Variants in ZNF536 observed in about 807,000 individuals in gnomAD.
ZNF536 encodes the protein zinc finger protein 536.
A neutral mutation model predicts 84.5 loss-of-function variants in ZNF536; 13 were observed. The observed-to-expected ratio is 0.15, with a 90% CI of 0.10 to 0.24. The LOEUF (loss-of-function observed/expected upper bound fraction) is 0.24. Among genes scored for constraint, ZNF536 ranks in the 10% least tolerant of loss-of-function variants. ZNF536 has a pLI of 1.00. For missense variants in ZNF536, 1,536 were observed against 1,747.5 expected (o/e 0.88, Z 2.16); for synonymous variants, 811 against 742.5 (o/e 1.09, Z -1.50).
At chr19:30,297,421 C>A (rs1242911899) in intron 2 of ZNF536, among the ~76,000 whole-genome samples, 1 of 151,996 alleles carries the variant, frequency 6.6e-6, no homozygotes, top group Non-Finnish European at 1.5e-5. Flanking sequence ...CTTTTTGAAC[C>A]CTTGAAGGTT....
chr19:30,591,579 G>A (rs1185712974), intron 1 of ZNF536, among the ~76,000 whole-genome samples: 1 of 152,162 alleles, frequency 6.6e-6, no homozygotes, highest in Non-Finnish European at 1.5e-5. Flanking sequence ...CTCTTGACAT[G>A]AGGGGATTAT....
intron 1 of ZNF536, among the ~76,000 whole-genome samples, chr19:30,686,178 TC>T (rs1325491805): frequency 6.6e-6 from 1 of 152,216 alleles, no homozygotes; most frequent in African/African-American, 2.4e-5. Flanking sequence ...TCTGTGAAGA[TC>T]ATTTTGGGAG....
intron 2 of ZNF536, among the ~76,000 whole-genome samples, chr19:30,309,948 G>A (rs1329158304): frequency 1.3e-5 from 2 of 152,050 alleles, no homozygotes; most frequent in Non-Finnish European, 2.9e-5. Context: ...AGAAAAGTGG[G>A]TGGGGAGGGG....
chr19:30,430,371 C>T (rs961925887), intron 1 of ZNF536, among the ~76,000 whole-genome samples: 3 of 152,172 alleles, frequency 2.0e-5, no homozygotes, highest in Non-Finnish European at 4.4e-5. Flanking sequence ...CTGTGCCTGG[C>T]TCTGTGTTGG....
At chr19:30,499,108 A>G (rs1162067700) in intron 2 of ZNF536, among the ~76,000 whole-genome samples, 1 of 151,588 alleles carries the variant, frequency 6.6e-6, no homozygotes, top group African/African-American at 2.4e-5. Flanking sequence ...ATAAATTGCT[A>G]CATTATTGCA....
chr19:30,511,822 G>A (rs10405186), intron 2 of ZNF536, among the ~76,000 whole-genome samples: 3,208 of 152,242 alleles, frequency 0.021, 110 homozygotes, highest in African/African-American at 0.073. Context: ...TTAATGACAA[G>A]TTAACTTGTG....
At chr19:30,670,297 G>C (rs1299581059) in intron 1 of ZNF536, among the ~76,000 whole-genome samples, 1 of 152,178 alleles carries the variant, frequency 6.6e-6, no homozygotes, top group Admixed American at 6.5e-5. Flanking sequence ...GGATCAGCAT[G>C]CCTGAGTTCG....
chr19:30,247,261 A>C (rs755111579), intron 1 of ZNF536, among the ~76,000 whole-genome samples: 14 of 152,270 alleles, frequency 9.2e-5, no homozygotes, highest in Non-Finnish European at 1.8e-4. Context: ...CAGAAATCCC[A>C]GGTCCTGGCC....
intron 1 of ZNF536, among the ~76,000 whole-genome samples, chr19:30,637,694 T>C (rs1374345466): frequency 6.6e-6 from 1 of 152,212 alleles, no homozygotes; most frequent in African/African-American, 2.4e-5. Context: ...CAAACCCAAA[T>C]CTTTTTCTAG....
chr19:30,459,168 A>G (rs2053013487), intron 2 of ZNF536, among the ~76,000 whole-genome samples: 1 of 152,100 alleles, frequency 6.6e-6, no homozygotes, highest in African/African-American at 2.4e-5. Context: ...TATACAATAC[A>G]AACACAAACA....
At chr19:30,339,794 GC>G (rs2047505511) in intron 2 of ZNF536, among the ~76,000 whole-genome samples, 1 of 152,214 alleles carries the variant, frequency 6.6e-6, no homozygotes, top group South Asian at 2.1e-4. Context: ...TTCTGAGCAG[GC>G]AGGTGCTGTG....
intron 1 of ZNF536, among the ~76,000 whole-genome samples, chr19:30,605,261 C>T (rs2146970447): frequency 6.6e-6 from 1 of 152,126 alleles, no homozygotes; most frequent in East Asian, 1.9e-4. Context: ...GTGGTGATTT[C>T]TGAGATTCTA....
intron 1 of ZNF536, among the ~76,000 whole-genome samples, chr19:30,264,361 T>C (rs2025384606): frequency 7.0e-6 from 1 of 143,052 alleles, no homozygotes; most frequent in African/African-American, 2.6e-5. Context: ...CCTCCCCTGA[T>C]CCCCCCAGGC....
chr19:30,491,083 A>G (rs1038797924), intron 2 of ZNF536, among the ~76,000 whole-genome samples: 1 of 152,176 alleles, frequency 6.6e-6, no homozygotes, highest in Non-Finnish European at 1.5e-5. Flanking sequence ...GGCCTGTCCA[A>G]GGACCTTGGT....
intron 2 of ZNF536, among the ~76,000 whole-genome samples, chr19:30,456,293 G>A: frequency 6.6e-6 from 1 of 150,388 alleles, no homozygotes; most frequent in Non-Finnish European, 1.5e-5. Flanking sequence ...CGTGAACACG[G>A]GACTTGTTTC....
intron 2 of ZNF536, among the ~76,000 whole-genome samples, chr19:30,490,502 T>C (rs2054466145): frequency 6.6e-6 from 1 of 152,198 alleles, no homozygotes; most frequent in Admixed American, 6.5e-5. Flanking sequence ...ATACAGAATG[T>C]GAACCACTGA....
chr19:30,555,115 C>G (rs1157227778), intron 4 of ZNF536: 1 of 152,284 alleles, frequency 6.6e-6, no homozygotes. Context: ...GCTGCCCCCT[C>G]ATAGCCAGCA....
At chr19:30,304,577 C>T (rs902452836) in intron 2 of ZNF536, among the ~76,000 whole-genome samples, 1 of 152,182 alleles carries the variant, frequency 6.6e-6, no homozygotes, top group African/African-American at 2.4e-5. Flanking sequence ...CTGTCCCCAG[C>T]TAAATGGGAG....
At chr19:30,603,187 A>T (rs1385333087) in intron 1 of ZNF536, among the ~76,000 whole-genome samples, 1 of 152,190 alleles carries the variant, frequency 6.6e-6, no homozygotes, top group Non-Finnish European at 1.5e-5. Flanking sequence ...GGAGTATAAG[A>T]ACTGTATCTG....
Sources: gnomAD v4.1 joint callset for allele counts (sites outside exome capture counted in the v4.1 genomes callset) on GRCh38, gnomAD v4.1.1 for gene constraint, MANE v1.5 for transcripts, NCBI Gene and HGNC (gene_info 2026-07-23, HGNC 2026-07-21) for gene names.